The following FLVCR2 variants were observed in gnomAD, a reference collection of about 807,000 sequenced individuals.
FLVCR2 encodes choline/ethanolamine transporter FLVCR2.
In FLVCR2, 38 loss-of-function variants were observed where a neutral mutation model predicts 48.9. The ratio of observed to expected loss-of-function variants is 0.78; its 90% CI spans 0.60 to 1.02. FLVCR2 has a LOEUF of 1.02. FLVCR2 is among the 50% of genes least tolerant of loss of function. The probability of loss-of-function intolerance (pLI) is 0.00; values close to 1 mark genes in which losing one functional copy is unlikely to be tolerated. For synonymous variants in FLVCR2, 255 were observed against 257.0 expected (o/e 0.99, Z 0.07); for missense variants, 664 against 663.3 (o/e 1.00, Z -0.01).
intron 1 of FLVCR2, chr14:75,605,404 T>G: frequency 7.0e-7 from 1 of 1,418,612 alleles, no homozygotes; most frequent in Non-Finnish European, 9.2e-7. Context: ...GCCTTTTTCT[T>G]TGGTGAGTCA....
chr14:75,626,087 G>T (rs1443368004), intron 3 of FLVCR2, among the ~76,000 whole-genome samples: 1 of 152,086 alleles, frequency 6.6e-6, no homozygotes, highest in Non-Finnish European at 1.5e-5. Flanking sequence ...TGCCTCCCCG[G>T]CTCAAGCAAT....
At chr14:75,600,563 A>T (rs1889140351) in intron 1 of FLVCR2, among the ~76,000 whole-genome samples, 1 of 152,198 alleles carries the variant, frequency 6.6e-6, no homozygotes, top group Non-Finnish European at 1.5e-5. Flanking sequence ...GTTATACTAT[A>T]TTCAAAAATT....
intron 6 of FLVCR2, among the ~76,000 whole-genome samples, chr14:75,640,258 C>CAAGAAA (rs35671242): frequency 8.2e-5 from 8 of 97,638 alleles, no homozygotes; most frequent in Admixed American, 5.7e-4. Flanking sequence ...GACTCCGTCT[C>CAAGAAA]AAAAAAAAAA....
intron 1 of FLVCR2, among the ~76,000 whole-genome samples, chr14:75,593,846 TTTTTC>T (rs1386805839): frequency 6.6e-6 from 1 of 152,196 alleles, no homozygotes; most frequent in African/African-American, 2.4e-5. Flanking sequence ...ACGCCCTTGG[TTTTTC>T]TCCTACGGAC....
intron 5 of FLVCR2, 137 bp downstream of exon 5, chr14:75,635,150 C>G (rs1890135897): frequency 8.6e-6 from 6 of 700,964 alleles, no homozygotes; most frequent in Non-Finnish European, 1.6e-5. Context: ...CTTCTCTGAG[C>G]CTCACTTTCC....
At chr14:75,592,335 G>A (rs922131975) in intron 1 of FLVCR2, among the ~76,000 whole-genome samples, 7 of 152,112 alleles carry the variant, frequency 4.6e-5, no homozygotes, top group Admixed American at 2.0e-4. Context: ...GCTAGGAGAA[G>A]CATCCTGAGG....
chr14:75,620,807 G>C (rs1016320426), intron 1 of FLVCR2, among the ~76,000 whole-genome samples: 2 of 152,224 alleles, frequency 1.3e-5, no homozygotes, highest in Non-Finnish European at 1.5e-5. Flanking sequence ...GTAATTGACA[G>C]AAGGAAAAAC....
In FLVCR2 at chr14:75,639,457, A is replaced by G. The variant is rs770296432; in HGVS notation, c.1230A>G (p.Thr410=). ...HLWVVFITAG[T]MGFFMTGYLP... is the part of the protein sequence containing the mutation. ...GGGTAGTGTTCATCACTGCTGGCAC[A>G]ATGGGGTAAGTTTCACCTCTGGCTG... The change falls in exon 6 of 10, where the codon ACA becomes ACG. Residue 410 remains threonine (T), a synonymous_variant. Coordinates refer to ENST00000238667, the MANE Select transcript of FLVCR2 (RefSeq NM_017791.3). The G allele has an allele frequency of 2.5e-6, 4 of 1,606,284 alleles. No individual in the cohort carries two copies. Among genetic ancestry groups the G allele is most frequent in the Non-Finnish European group, 3.4e-6 (4 of 1,172,974 alleles).
intron 1 of FLVCR2, among the ~76,000 whole-genome samples, chr14:75,585,309 T>C (rs576030120): frequency 6.6e-6 from 1 of 152,284 alleles, no homozygotes; most frequent in East Asian, 1.9e-4. Flanking sequence ...ACAAAAATTA[T>C]CTAGATCTTG....
intron 1 of FLVCR2, among the ~76,000 whole-genome samples, chr14:75,585,345 T>C (rs1295591758): frequency 1.3e-5 from 2 of 152,160 alleles, no homozygotes; most frequent in Non-Finnish European, 2.9e-5. Context: ...GAAAGTGCCA[T>C]TCTCTGGTCA....
intron 1 of FLVCR2, chr14:75,605,630 G>T: frequency 6.5e-7 from 1 of 1,535,730 alleles, no homozygotes; most frequent in South Asian, 1.2e-5. Context: ...AGGAGGTGAG[G>T]ATAGATCTTA....
intron 1 of FLVCR2, among the ~76,000 whole-genome samples, chr14:75,587,558 G>A (rs1888780808): frequency 6.6e-6 from 1 of 152,180 alleles, no homozygotes; most frequent in South Asian, 2.1e-4. Flanking sequence ...TCCAGAGCTG[G>A]GATGAGGGAG....
intron 1 of FLVCR2, among the ~76,000 whole-genome samples, chr14:75,603,326 G>T (rs117068570): frequency 6.6e-6 from 1 of 152,228 alleles, no homozygotes. Context: ...ACAGAGAGCA[G>T]AGAAGGGGAG....
At chr14:75,620,738 G>A (rs1017976969) in intron 1 of FLVCR2, among the ~76,000 whole-genome samples, 1 of 152,202 alleles carries the variant, frequency 6.6e-6, no homozygotes, top group Non-Finnish European at 1.5e-5. Flanking sequence ...GCAACTATGA[G>A]TGACCACTTT....
At chr14:75,620,931 C>T (rs1190276593) in intron 1 of FLVCR2, among the ~76,000 whole-genome samples, 2 of 152,176 alleles carry the variant, frequency 1.3e-5, no homozygotes, top group African/African-American at 4.8e-5. Context: ...AAAATGAGAC[C>T]TTACGACAAA....
intron 3 of FLVCR2, among the ~76,000 whole-genome samples, chr14:75,627,513 G>C (rs950337483): frequency 6.6e-6 from 1 of 152,176 alleles, no homozygotes; most frequent in Non-Finnish European, 1.5e-5. Flanking sequence ...ACATCCAGCA[G>C]CCTCGCAGCC....
intron 1 of FLVCR2, among the ~76,000 whole-genome samples, chr14:75,611,444 C>T (rs1249239095): frequency 6.6e-6 from 1 of 152,060 alleles, no homozygotes; most frequent in Non-Finnish European, 1.5e-5. Flanking sequence ...CTGTAAAAAC[C>T]AAACCAGAGG....
At chr14:75,599,993 A>C (rs528551704) in intron 1 of FLVCR2, among the ~76,000 whole-genome samples, 1 of 152,306 alleles carries the variant, frequency 6.6e-6, no homozygotes, top group East Asian at 1.9e-4. Flanking sequence ...GCTGACACCT[A>C]CTGGGCTGCA....
intron 6 of FLVCR2, 86 bp downstream of exon 6, chr14:75,639,548 C>T (rs1341679603): frequency 4.5e-6 from 4 of 897,930 alleles, no homozygotes; most frequent in Admixed American, 3.9e-5. Flanking sequence ...AATATTGATG[C>T]CTTTGCTGCC....
Sources: gnomAD v4.1 joint callset for allele counts (sites outside exome capture counted in the v4.1 genomes callset) on GRCh38, gnomAD v4.1.1 for gene constraint, MANE v1.5 for transcripts, NCBI Gene and HGNC (gene_info 2026-07-23, HGNC 2026-07-21) for gene names.